Variants in CRACD observed in about 807,000 individuals in gnomAD.
CRACD encodes the protein capping protein inhibiting regulator of actin dynamics, also known as capping protein-inhibiting regulator of actin dynamics.
CRACD carries 56 observed loss-of-function variants against 106.8 expected under a neutral mutation model. That is an observed-to-expected ratio of 0.52 (90% confidence interval 0.42 to 0.66). CRACD has a LOEUF of 0.66. CRACD is among the 30% of genes least tolerant of loss of function. The pLI is 0.00. For missense variants in CRACD, 1,730 were observed against 1,623.2 expected (o/e 1.07, Z -1.13); for synonymous variants, 754 against 670.8 (o/e 1.12, Z -1.92).
At chr4:56,216,023 G>C (rs1185410974) in intron 2 of CRACD, 1 of 152,250 alleles carries the variant, frequency 6.6e-6, no homozygotes, top group Non-Finnish European at 1.5e-5. Context: ...AGTAGCCCTT[G>C]CTCTTGGTTC....
chr4:56,284,586 G>T (rs994316889), intron 3 of CRACD, among the ~76,000 whole-genome samples: 19 of 152,164 alleles, frequency 1.2e-4, no homozygotes, highest in African/African-American at 4.6e-4. Context: ...TTAGCCAGGC[G>T]TGGTGGTGGG....
Position 56,303,348 on chromosome 4 carries a change from G to GA in CRACD, c.121-4172dup, listed in dbSNP as rs767375663. Reference sequence around the variant, plus strand: ...GTGACAGAGCGAGACTCCTTTGTAGGAAAAAAAAAAAAAAAGAAAGAAGGA... The same window carrying GA: ...GTGACAGAGCGAGACTCCTTTGTAGGAAAAAAAAAAAAAAAAGAAAGAAGGA... On this transcript the variant is annotated intron_variant, in intron 4 of 10. Coordinates refer to ENST00000682029, the MANE Select transcript of CRACD (RefSeq NM_001393381.1). Among the ~76,000 whole-genome samples the GA allele has an allele frequency of 7.4e-3, 993 of 134,118 alleles. 2 individuals are homozygous for GA. Among genetic ancestry groups the GA allele is most frequent in the African/African-American group, 0.021 (787 of 36,968 alleles). The allele number at this position is 134,118 out of a possible 152,430, so 88.0% of individuals were successfully genotyped here.
At chr4:56,067,868 G>A (rs1481223781) in intron 1 of CRACD, among the ~76,000 whole-genome samples, 2 of 152,190 alleles carry the variant, frequency 1.3e-5, no homozygotes, top group Admixed American at 1.3e-4. Context: ...GAGCCACCGC[G>A]CCTGGCTGTC....
chr4:56,308,699 G>A, intron 5 of CRACD: 4 of 971,232 alleles, frequency 4.1e-6, no homozygotes, highest in Non-Finnish European at 4.9e-6. Flanking sequence ...TGTGACACCT[G>A]GCACCCACGC....
intron 1 of CRACD, among the ~76,000 whole-genome samples, chr4:56,067,656 A>G (rs372075898): frequency 1.5e-4 from 23 of 152,108 alleles, no homozygotes; most frequent in Middle Eastern, 3.4e-3. Flanking sequence ...GCTCACTGCA[A>G]TCTCCACCTC....
intron 1 of CRACD, among the ~76,000 whole-genome samples, chr4:56,133,490 T>C (rs1482044998): frequency 2.6e-5 from 4 of 152,238 alleles, no homozygotes; most frequent in African/African-American, 9.6e-5. Context: ...AAATATTTAA[T>C]AAACATGGAT....
intron 1 of CRACD, among the ~76,000 whole-genome samples, chr4:56,108,514 T>C (rs374198708): frequency 1.3e-5 from 2 of 151,698 alleles, no homozygotes; most frequent in Non-Finnish European, 2.9e-5. Flanking sequence ...AGACGAGAGA[T>C]TGTAAAAAAT....
At chr4:56,165,124 A>C (rs1368810823) in intron 1 of CRACD, among the ~76,000 whole-genome samples, 2 of 152,238 alleles carry the variant, frequency 1.3e-5, no homozygotes, top group Non-Finnish European at 2.9e-5. Flanking sequence ...ACTTTCTGCC[A>C]TCGTCAGTCT....
intron 1 of CRACD, among the ~76,000 whole-genome samples, chr4:56,171,510 G>A (rs1736363800): frequency 2.0e-5 from 3 of 152,086 alleles, no homozygotes; most frequent in Non-Finnish European, 4.4e-5. Context: ...TTTTATTTTG[G>A]GATTCACAGG....
chr4:56,105,451 A>G (rs1408715079), intron 1 of CRACD, among the ~76,000 whole-genome samples: 1 of 152,168 alleles, frequency 6.6e-6, no homozygotes, highest in Non-Finnish European at 1.5e-5. Flanking sequence ...GTGAGCCCTG[A>G]TCATGCCACT....
chr4:56,282,591 G>A (rs1371152606), intron 3 of CRACD, among the ~76,000 whole-genome samples: 1 of 152,188 alleles, frequency 6.6e-6, no homozygotes, highest in Non-Finnish European at 1.5e-5. Context: ...AAGTTCCAAG[G>A]TTGGTTGACG....
intron 2 of CRACD, among the ~76,000 whole-genome samples, chr4:56,211,011 T>C (rs917063223): frequency 1.2e-3 from 180 of 152,198 alleles, no homozygotes; most frequent in African/African-American, 4.1e-3. Context: ...ATTAAAAATA[T>C]TGAAATCTTT....
intron 10 of CRACD, 36 bp downstream of exon 10, chr4:56,324,302 C>A: frequency 6.3e-7 from 1 of 1,586,990 alleles, no homozygotes. Context: ...AACTGTAGTT[C>A]CAGGTTTCTC....
intron 2 of CRACD, among the ~76,000 whole-genome samples, chr4:56,231,521 T>G (rs1211208270): frequency 2.0e-5 from 3 of 152,200 alleles, no homozygotes; most frequent in Non-Finnish European, 4.4e-5. Flanking sequence ...ATTTATTCAC[T>G]GAGACATGCT....
intron 5 of CRACD, among the ~76,000 whole-genome samples, chr4:56,309,589 C>T (rs1008540821): frequency 6.6e-6 from 1 of 152,168 alleles, no homozygotes; most frequent in Admixed American, 6.6e-5. Context: ...CGTGGTGGCT[C>T]ATGCCTGTAA....
intron 2 of CRACD, among the ~76,000 whole-genome samples, chr4:56,213,400 C>T (rs1159338588): frequency 3.3e-5 from 5 of 152,118 alleles, no homozygotes; most frequent in Admixed American, 1.3e-4. Context: ...GAGCCAAGAT[C>T]ACGCCATTGC....
intron 1 of CRACD, among the ~76,000 whole-genome samples, chr4:56,113,297 T>C (rs1734180258): frequency 6.6e-6 from 1 of 152,234 alleles, no homozygotes; most frequent in Non-Finnish European, 1.5e-5. Context: ...GTGGATCTTT[T>C]CAAAGTGCTA....
intron 1 of CRACD, among the ~76,000 whole-genome samples, chr4:56,063,223 A>G (rs947064230): frequency 6.6e-6 from 1 of 151,226 alleles, no homozygotes; most frequent in African/African-American, 2.4e-5. Flanking sequence ...AGACAGGGCC[A>G]TGCTCTGTTG....
At chr4:56,120,698 G>GTGA (rs1209153870) in intron 1 of CRACD, among the ~76,000 whole-genome samples, 8 of 152,248 alleles carry the variant, frequency 5.3e-5, no homozygotes, top group African/African-American at 1.9e-4. Context: ...TAAATCTAAT[G>GTGA]TGAAAATAAG....
Sources: gnomAD v4.1 joint callset for allele counts (sites outside exome capture counted in the v4.1 genomes callset) on GRCh38, gnomAD v4.1.1 for gene constraint, MANE v1.5 for transcripts, NCBI Gene and HGNC (gene_info 2026-07-23, HGNC 2026-07-21) for gene names.